Variants in ATP10B observed in about 807,000 individuals in gnomAD.
ATP10B encodes phospholipid-transporting ATPase VB.
In ATP10B, 122 loss-of-function variants were observed where a neutral mutation model predicts 141.2. The ratio of observed to expected loss-of-function variants is 0.86; its 90% CI spans 0.75 to 1.00. ATP10B has a LOEUF of 1.00. ATP10B is among the 50% of genes least tolerant of loss of function. The pLI is 0.00. For missense variants in ATP10B, 1,876 were observed against 1,825.3 expected (o/e 1.03, Z -0.51); for synonymous variants, 685 against 692.0 (o/e 0.99, Z 0.16).
chr5:160,843,283 G>C (rs1027784932), intron 1 of ATP10B, among the ~76,000 whole-genome samples: 2 of 152,086 alleles, frequency 1.3e-5, no homozygotes, highest in Non-Finnish European at 2.9e-5. Context: ...AAGTGAGTTG[G>C]GGATATGTTT....
At chr5:160,768,144 C>T (rs952672235) in intron 2 of ATP10B, among the ~76,000 whole-genome samples, 1 of 152,124 alleles carries the variant, frequency 6.6e-6, no homozygotes, top group African/African-American at 2.4e-5. Flanking sequence ...TGTCATCTTC[C>T]TCTTATTTCT....
At chr5:160,923,542 C>T in the ATP10B span, among the ~76,000 whole-genome samples, 1 of 152,154 alleles carries the variant, frequency 6.6e-6, no homozygotes, top group African/African-American at 2.4e-5. Flanking sequence ...AAAATAAATG[C>T]AGTATTATGC....
At chr5:160,649,280 G>A in intron 7 of ATP10B, 24 bp from the exon 8 acceptor site, 1 of 1,552,874 alleles carries the variant, frequency 6.4e-7, no homozygotes, top group Non-Finnish European at 8.9e-7. Context: ...GACTCTGTGA[G>A]TTTATTAATT....
intron 18 of ATP10B, among the ~76,000 whole-genome samples, chr5:160,611,009 A>T (rs192135000): frequency 6.6e-6 from 1 of 152,336 alleles, no homozygotes; most frequent in Admixed American, 6.5e-5. Context: ...GGAATATGTA[A>T]CTACATTAAA....
intron 2 of ATP10B, among the ~76,000 whole-genome samples, chr5:160,775,674 A>G (rs1015785572): frequency 1.4e-5 from 2 of 138,146 alleles, no homozygotes; most frequent in Non-Finnish European, 3.1e-5. Context: ...TGCAAGTTTC[A>G]GATTTTTTTT....
chr5:160,804,099 C>G (rs1471347660), intron 1 of ATP10B, among the ~76,000 whole-genome samples: 1 of 152,096 alleles, frequency 6.6e-6, no homozygotes, highest in Non-Finnish European at 1.5e-5. Flanking sequence ...AATGTCCTAC[C>G]CTTGCACCCA....
the ATP10B span, among the ~76,000 whole-genome samples, chr5:160,921,360 AAT>A: frequency 6.6e-6 from 1 of 152,048 alleles, no homozygotes; most frequent in Non-Finnish European, 1.5e-5. Context: ...ATTGTGGTAA[AAT>A]ATATATAACT....
intron 24 of ATP10B, among the ~76,000 whole-genome samples, chr5:160,570,007 C>T (rs916457485): frequency 2.6e-5 from 4 of 152,016 alleles, no homozygotes; most frequent in African/African-American, 9.7e-5. Context: ...AATCATGTTT[C>T]GTATGACTTT....
chr5:160,847,478 G>C (rs1412530766), intron 1 of ATP10B, among the ~76,000 whole-genome samples: 1 of 152,122 alleles, frequency 6.6e-6, no homozygotes, highest in Non-Finnish European at 1.5e-5. Flanking sequence ...CCAAACCTCA[G>C]TTAGAACTGT....
chr5:160,798,461 A>G (rs769759363), intron 1 of ATP10B, among the ~76,000 whole-genome samples: 23 of 152,198 alleles, frequency 1.5e-4, no homozygotes, highest in South Asian at 4.1e-4. Flanking sequence ...CAGACAGGGA[A>G]GAAGGCCCCA....
chr5:160,809,928 TTTTC>T (rs1330985803), intron 1 of ATP10B, among the ~76,000 whole-genome samples: 1 of 152,212 alleles, frequency 6.6e-6, no homozygotes, highest in Admixed American at 6.5e-5. Flanking sequence ...ACCATTTGGC[TTTTC>T]TTTTTCTTGA....
At chr5:160,583,567 C>T (rs1383225879) in intron 24 of ATP10B, among the ~76,000 whole-genome samples, 2 of 152,190 alleles carry the variant, frequency 1.3e-5, no homozygotes, top group East Asian at 1.9e-4. Context: ...TAGCAGAGCT[C>T]GAGCGCTGTG....
At chr5:160,879,566 G>T in the ATP10B span, among the ~76,000 whole-genome samples, 1 of 150,574 alleles carries the variant, frequency 6.6e-6, no homozygotes, top group Non-Finnish European at 1.5e-5. Context: ...ACGGCCAGGC[G>T]CGGTGGCTCT....
intron 3 of ATP10B, among the ~76,000 whole-genome samples, chr5:160,702,226 A>G (rs6879592): frequency 0.58 from 88,376 of 152,082 alleles, 27,558 homozygotes; most frequent in Middle Eastern, 0.75. Context: ...TATTTCTATT[A>G]TCTCATTTTA....
intron 23 of ATP10B, among the ~76,000 whole-genome samples, chr5:160,589,948 G>T (rs989857078): frequency 1.3e-5 from 2 of 152,222 alleles, no homozygotes; most frequent in Non-Finnish European, 2.9e-5. Flanking sequence ...AATGAAGACA[G>T]AATTCATTGA....
At chr5:160,803,719 C>CA (rs1772563395) in intron 1 of ATP10B, among the ~76,000 whole-genome samples, 1 of 152,104 alleles carries the variant, frequency 6.6e-6, no homozygotes, top group Non-Finnish European at 1.5e-5. Context: ...TTCAAGGTCA[C>CA]ATAGCTTGTA....
At chr5:160,755,371 T>G (rs1380731663) in intron 2 of ATP10B, among the ~76,000 whole-genome samples, 3 of 152,036 alleles carry the variant, frequency 2.0e-5, no homozygotes, top group Non-Finnish European at 2.9e-5. Context: ...CCAAACAATA[T>G]CAGTGTCATT....
chr5:160,878,571 A>C, the ATP10B span, among the ~76,000 whole-genome samples: 2 of 151,650 alleles, frequency 1.3e-5, no homozygotes, highest in African/African-American at 4.8e-5. Flanking sequence ...TGCACAGCAA[A>C]AGAAACTACC....
At chr5:160,823,239 G>A (rs1376117910) in intron 1 of ATP10B, among the ~76,000 whole-genome samples, 1 of 151,664 alleles carries the variant, frequency 6.6e-6, no homozygotes, top group Admixed American at 6.6e-5. Context: ...GTCCTTTGCA[G>A]GAATATGGGT....
Sources: allele counts gnomAD v4.1 joint callset (sites outside exome capture counted in the v4.1 genomes callset), GRCh38; gene constraint gnomAD v4.1.1; transcripts MANE v1.5; gene names NCBI Gene and HGNC (gene_info 2026-07-23, HGNC 2026-07-21).